Variants in HNF1B observed in about 807,000 individuals in gnomAD.
The protein encoded by HNF1B is hepatocyte nuclear factor 1-beta.
Under a neutral mutation model 61.7 loss-of-function variants are expected in HNF1B, and 8 were observed. That is an observed-to-expected ratio of 0.13 (90% CI 0.08 to 0.23). The LOEUF (loss-of-function observed/expected upper bound fraction) is 0.23. Among genes scored for constraint, HNF1B ranks in the 10% least tolerant of loss-of-function variants. The pLI, the probability that HNF1B is intolerant of heterozygous loss-of-function variation, is 1.00. For synonymous variants in HNF1B, 314 were observed against 287.7 expected (o/e 1.09, Z -0.93); for missense variants, 562 against 714.5 (o/e 0.79, Z 2.43).
chr17:37,696,001 G>A (rs1381627563), intron 8 of HNF1B, among the ~76,000 whole-genome samples: 1 of 152,136 alleles, frequency 6.6e-6, no homozygotes, highest in Non-Finnish European at 1.5e-5. Flanking sequence ...GCCAGGGGTG[G>A]AATGATATGG....
chr17:37,716,491 G>A (rs1479386615), intron 4 of HNF1B, among the ~76,000 whole-genome samples: 1 of 152,162 alleles, frequency 6.6e-6, no homozygotes, highest in East Asian at 1.9e-4. Flanking sequence ...GAGCCACTGC[G>A]CCCGGCCTCA....
At chr17:37,691,443 G>C (rs939493769) in intron 8 of HNF1B, among the ~76,000 whole-genome samples, 5 of 152,144 alleles carry the variant, frequency 3.3e-5, no homozygotes, top group African/African-American at 1.2e-4. Context: ...CCCTATGTAA[G>C]AGCACTTCTT....
chr17:37,688,085 G>A (rs536474500), intron 8 of HNF1B, among the ~76,000 whole-genome samples: 1 of 152,200 alleles, frequency 6.6e-6, no homozygotes, highest in Non-Finnish European at 1.5e-5. Flanking sequence ...GAGGACCAGG[G>A]AAAGGATCCA....
intron 6 of HNF1B, 125 bp from the exon 7 acceptor site, chr17:37,701,302 C>T: frequency 1.2e-6 from 1 of 862,730 alleles, no homozygotes; most frequent in Non-Finnish European, 1.9e-6. Context: ...TAGGAGATTC[C>T]ATGGGAGGCA....
chr17:37,689,625 C>T lies in HNF1B; in HGVS notation c.1654-2233G>A, dbSNP rs570165647. ...TGGAGGCCCAGCACACGCAGCCCCA[C>T]GGGGGCCTGGCCCAGAAGATCTCTG... On this transcript the variant is annotated intron_variant, in intron 8 of 8. Transcript: ENST00000617811. Among the ~76,000 whole-genome samples the T allele has an allele frequency of 7.9e-5, 12 of 152,352 alleles. No individual in the cohort carries two copies. In the East Asian group the frequency reaches 9.6e-4, roughly 12 times the overall value.
At chr17:37,720,430 G>A (rs953633811) in intron 4 of HNF1B, among the ~76,000 whole-genome samples, 1 of 152,030 alleles carries the variant, frequency 6.6e-6, no homozygotes, top group Non-Finnish European at 1.5e-5. Flanking sequence ...TTTGTGAACT[G>A]TATACTTAAG....
At chr17:37,721,964 T>C (rs186470333) in intron 4 of HNF1B, among the ~76,000 whole-genome samples, 1 of 152,262 alleles carries the variant, frequency 6.6e-6, no homozygotes, top group Non-Finnish European at 1.5e-5. Context: ...GTGAATCTCT[T>C]AGGGCTTTTG....
At chr17:37,690,664 T>C (rs1313407275) in intron 8 of HNF1B, among the ~76,000 whole-genome samples, 1 of 152,202 alleles carries the variant, frequency 6.6e-6, no homozygotes, top group Non-Finnish European at 1.5e-5. Flanking sequence ...AGGGATACTC[T>C]CAGCTCTCTC....
intron 4 of HNF1B, among the ~76,000 whole-genome samples, chr17:37,717,463 C>T (rs2033162301): frequency 2.0e-5 from 3 of 152,202 alleles, no homozygotes; most frequent in African/African-American, 7.2e-5. Flanking sequence ...AGAGAGCATG[C>T]GAAGGAGAAA....
At chr17:37,703,394 G>A (rs1014900289) in intron 6 of HNF1B, among the ~76,000 whole-genome samples, 13 of 145,940 alleles carry the variant, frequency 8.9e-5, no homozygotes, top group African/African-American at 2.7e-4. Context: ...TAGCCCCAGG[G>A]AAAATTTTAA....
At chr17:37,709,757 C>A (rs888921151) in intron 5 of HNF1B, among the ~76,000 whole-genome samples, 1 of 152,170 alleles carries the variant, frequency 6.6e-6, no homozygotes, top group African/African-American at 2.4e-5. Context: ...CAGAGTATTT[C>A]TCAAATGTTA....
chr17:37,739,791 G>A, intron 1 of HNF1B, 152 bp from the exon 2 acceptor site: 1 of 740,288 alleles, frequency 1.4e-6, no homozygotes, highest in South Asian at 1.5e-5. Flanking sequence ...GGCCAAAATG[G>A]AAGCTAAACA....
At chr17:37,693,784 A>T (rs1378166834) in intron 8 of HNF1B, among the ~76,000 whole-genome samples, 2 of 152,240 alleles carry the variant, frequency 1.3e-5, no homozygotes, top group Non-Finnish European at 2.9e-5. Context: ...ATTGGATCAC[A>T]GGGGCAGATC....
intron 4 of HNF1B, chr17:37,720,876 C>A (rs1176529419): frequency 3.0e-6 from 3 of 985,208 alleles, no homozygotes; most frequent in Non-Finnish European, 3.6e-6. Flanking sequence ...CCCTCTAGTT[C>A]CCCTGGCTGT....
At position 37,739,738 on chromosome 17, in the gene HNF1B, G is replaced by T. The variant is rs181072627; in HGVS notation, c.345-99C>A. ...CTACCTATGGTCTATGCAAAATTCTGAATTTTCCCCCCATCTAAGCTACAA... is the reference window on the plus strand; with the variant it reads ...CTACCTATGGTCTATGCAAAATTCTTAATTTTCCCCCCATCTAAGCTACAA... On this transcript the variant is annotated intron_variant, in intron 1 of 8. Transcript: ENST00000617811. 1.0e-4 allele frequency: 115 copies of T among 1,154,850 alleles called. 2 individuals carry two copies. The highest frequency in any genetic ancestry group is 6.1e-5 in the Non-Finnish European group (48 of 786,402). The allele number at this position is 1,154,850 out of a possible 1,614,324, so 71.5% of individuals were successfully genotyped here. A position where few individuals can be genotyped will look rare whatever the true frequency, so the allele number is the denominator to read the frequency against.
At chr17:37,692,555 TG>T (rs2032239688) in intron 8 of HNF1B, among the ~76,000 whole-genome samples, 2 of 152,314 alleles carry the variant, frequency 1.3e-5, no homozygotes, top group Non-Finnish European at 2.9e-5. Context: ...GAAAAGCATC[TG>T]GGGTGCTGCT....
intron 5 of HNF1B, 89 bp from the exon 6 acceptor site, chr17:37,705,138 G>T: frequency 7.6e-7 from 1 of 1,316,136 alleles, no homozygotes; most frequent in Non-Finnish European, 1.1e-6. Context: ...CGATTCCTTG[G>T]CATGACTAGT....
In HNF1B at chr17:37,745,037, C is replaced by T; in HGVS notation, c.-153G>A. ...ACTCCCCGGGGTCCCGGAGGCTCCT[C>T]CGAAAGGAGTCAGAAAACTTCTAAC... On this transcript the variant is annotated 5_prime_UTR_variant, in exon 1 of 9. Coordinates refer to ENST00000617811, the MANE Select transcript of HNF1B (RefSeq NM_000458.4). 3.0e-6 allele frequency: 2 copies of T among 656,502 alleles called. No homozygotes were observed. Among genetic ancestry groups the T allele is most frequent in the South Asian group, 1.9e-5 (1 of 51,942 alleles). 40.7% of individuals were successfully genotyped at this position (656,502 alleles called of 1,614,324 possible). A position where few individuals can be genotyped will look rare whatever the true frequency, so the allele number is the denominator to read the frequency against.
In HNF1B at chr17:37,733,786, T is replaced by C. The variant is rs2033757401; in HGVS notation, c.580A>G (p.Thr194Ala). The change falls in exon 3 of 9, where the codon ACA becomes GCA. Residue 194 changes from threonine to alanine, a missense_variant. Physicochemically the swap from Thr to Ala is moderately conservative, Grantham distance 58. Around this residue, in one of 6 missense-constraint regions of HNF1B, gnomAD observed 69 missense variants for 81.2 expected, o/e 0.85. Transcript: ENST00000617811. ...AGCTGATCCTGACTGCTTTTGTCTG[T>C]CATATTTCCAGAACTCTGGACTGTC... is the stretch of plus-strand genomic sequence containing the variant. ...NQTVQSSGNM[T>A]DKSSQDQLLF... 1 of 1,614,126 alleles carries C rather than the reference T, an allele frequency of 6.2e-7. No individual in the cohort carries two copies. The highest frequency in any genetic ancestry group is 1.3e-5 in the African/African-American group (1 of 74,942).
Sources: gnomAD v4.1 joint callset for allele counts (sites outside exome capture counted in the v4.1 genomes callset) on GRCh38, gnomAD v4.1.1 for gene constraint, gnomAD v4.1.1 regional missense constraint, MANE v1.5 for transcripts, NCBI Gene and HGNC (gene_info 2026-07-23, HGNC 2026-07-21) for gene names.